The following ANKRD30A variants were observed in gnomAD, a reference collection of about 807,000 sequenced individuals.
ANKRD30A encodes the protein ankyrin repeat domain 30A, also known as ankyrin repeat domain-containing protein 30A.
Under a neutral mutation model 166.3 loss-of-function variants are expected in ANKRD30A, and 170 were observed. The observed-to-expected ratio is 1.02, with a 90% CI of 0.90 to 1.16. The LOEUF is 1.16. Among genes scored for constraint, ANKRD30A ranks in the 50% most tolerant of loss-of-function variants. The probability of loss-of-function intolerance (pLI) is 0.00; values close to 1 mark genes in which losing one functional copy is unlikely to be tolerated. For synonymous variants in ANKRD30A, 564 were observed against 508.9 expected (o/e 1.11, Z -1.46); for missense variants, 1,630 against 1,518.0 (o/e 1.07, Z -1.23).
In ANKRD30A at chr10:37,142,000, C is replaced by T; in HGVS notation, c.1103C>T (p.Thr368Ile). Reference sequence around the variant, plus strand: ...GAAATTACGAGTCCTGCAAAAGAAACATCTGAGAAATTTACGTGGCCAGCA... The same window carrying T: ...GAAATTACGAGTCCTGCAAAAGAAATATCTGAGAAATTTACGTGGCCAGCA... Reference protein sequence around the residue: ...PREITSPAKETSEKFTWPAKG... With the variant: ...PREITSPAKEISEKFTWPAKG... The change falls in exon 7 of 36, where the codon ACA becomes ATA. Residue 368 changes from threonine (T) to isoleucine (I), a missense_variant. Thr to Ile is a moderately conservative substitution (Grantham distance 89, BLOSUM62 -1). Transcript: ENST00000361713. 6.2e-7 allele frequency: 1 copy of T among 1,614,070 alleles called. No homozygotes were observed.
At chr10:37,193,355 T>C (rs1840762609) in intron 27 of ANKRD30A, 97 bp downstream of exon 27, 4 of 1,362,694 alleles carry the variant, frequency 2.9e-6, no homozygotes, top group Middle Eastern at 2.2e-4. Flanking sequence ...TTTCTATTCA[T>C]AATTTGATGG....
intron 30 of ANKRD30A, 88 bp downstream of exon 30, chr10:37,199,876 C>T: frequency 1.4e-6 from 1 of 727,372 alleles, no homozygotes; most frequent in Non-Finnish European, 2.3e-6. Flanking sequence ...TTTCTCACCT[C>T]TGCATATGTC....
At chr10:37,199,162 A>G (rs1161587298) in intron 29 of ANKRD30A, among the ~76,000 whole-genome samples, 2 of 152,120 alleles carry the variant, frequency 1.3e-5, no homozygotes, top group Non-Finnish European at 2.9e-5. Flanking sequence ...TTTTAAGCTT[A>G]TCTTCCTAAA....
chr10:37,219,536 G>C lies in ANKRD30A; in HGVS notation c.3824G>C (p.Arg1275Thr). 6.2e-7 allele frequency: 1 copy of C among 1,610,262 alleles called. No homozygotes were observed. ...CTCAATTATGCAGGAGATGCTCTAA[G>C]AGAAAATACATTGGTTTCAGAACAT... ...INLNYAGDAL[R>T]ENTLVSEHAQ... Residue 1275 changes from arginine to threonine, a missense_variant, in exon 34 of 36, where the codon AGA becomes ACA. Physicochemically the swap from Arg to Thr is moderately conservative, Grantham distance 71 (BLOSUM62 -1). Transcript: ENST00000361713.
chr10:37,262,192 G>A, the ANKRD30A span, among the ~76,000 whole-genome samples: 2 of 152,188 alleles, frequency 1.3e-5, no homozygotes, highest in Non-Finnish European at 2.9e-5. Context: ...CTGCAAAGGA[G>A]AACAACACTC....
chr10:37,149,887 T>C, intron 11 of ANKRD30A, 38 bp downstream of exon 11: 1 of 1,609,000 alleles, frequency 6.2e-7, no homozygotes, highest in South Asian at 1.1e-5. Context: ...GACGAATATT[T>C]CAATATTGGA....
intron 21 of ANKRD30A, among the ~76,000 whole-genome samples, chr10:37,172,759 C>G (rs1839684868): frequency 6.9e-6 from 1 of 145,492 alleles, no homozygotes; most frequent in Non-Finnish European, 1.5e-5. Flanking sequence ...TTAGGTTTCT[C>G]TGTTACAATC....
intron 25 of ANKRD30A, among the ~76,000 whole-genome samples, chr10:37,190,929 G>A (rs976328633): frequency 6.6e-6 from 1 of 151,804 alleles, no homozygotes; most frequent in Non-Finnish European, 1.5e-5. Context: ...GAAGCAAATT[G>A]TGTTGGTAAA....
chr10:37,235,348 T>A (rs1394189790), downstream of ANKRD30A, among the ~76,000 whole-genome samples: 1 of 152,192 alleles, frequency 6.6e-6, no homozygotes, highest in African/African-American at 2.4e-5. Flanking sequence ...ACAGTGCACG[T>A]ATTTAATACT....
intron 1 of ANKRD30A, 42 bp downstream of exon 1, chr10:37,126,050 G>C: frequency 6.2e-7 from 1 of 1,604,298 alleles, no homozygotes; most frequent in Non-Finnish European, 8.5e-7. Flanking sequence ...GAGGAGGTGG[G>C]GGCGGTGGGA....
rs550040611 is a variant in ANKRD30A, at chr10:37,149,979, G to A, written c.1645+130G>A. 74 of 1,279,242 alleles carry A rather than the reference G, an allele frequency of 5.8e-5. No homozygotes were observed. In the African/African-American group the frequency reaches 1.0e-3, roughly 18 times the overall value. The allele number at this position is 1,279,242 out of a possible 1,614,324, so 79.2% of individuals were successfully genotyped here. A position where few individuals can be genotyped will look rare whatever the true frequency, so the allele number is the denominator to read the frequency against. On this transcript the variant is annotated intron_variant, in intron 11 of 35. Transcript: ENST00000361713. ...ATTTGATCTAGATAATGCCAATACT[G>A]GTATTGATGTTTGAAAACCTGATAT...
chr10:37,198,397 C>A (rs543218682), intron 29 of ANKRD30A, among the ~76,000 whole-genome samples: 1 of 151,862 alleles, frequency 6.6e-6, no homozygotes, highest in East Asian at 1.9e-4. Flanking sequence ...ATGACAGTAC[C>A]ATAGTTAACT....
At chr10:37,228,639 A>G (rs1287671419) in intron 34 of ANKRD30A, among the ~76,000 whole-genome samples, 1 of 151,964 alleles carries the variant, frequency 6.6e-6, no homozygotes, top group Non-Finnish European at 1.5e-5. Context: ...ACTTGAGGGG[A>G]AATCCTAAAG....
chr10:37,127,544 T>G (rs545265505), intron 1 of ANKRD30A, among the ~76,000 whole-genome samples: 290 of 152,250 alleles, frequency 1.9e-3, no homozygotes, highest in African/African-American at 6.4e-3. Context: ...GATTTAAAAA[T>G]CTTCGCTTTA....
chr10:37,246,753 A>G, the ANKRD30A span, among the ~76,000 whole-genome samples: 2 of 152,148 alleles, frequency 1.3e-5, no homozygotes, highest in African/African-American at 2.4e-5. Context: ...GGATTTTCCA[A>G]TCTTAGCATT....
the ANKRD30A span, chr10:37,262,051 A>G: frequency 6.6e-6 from 1 of 152,414 alleles, no homozygotes; most frequent in Admixed American, 6.5e-5. Flanking sequence ...AATGTATTTG[A>G]TAGATCCTTT....
In ANKRD30A at chr10:37,149,824, G is replaced by A; in HGVS notation, c.1620G>A (p.Leu540=). Residue 540 remains leucine (L), a synonymous_variant, in exon 11 of 36, where the codon TTG becomes TTA. Transcript: ENST00000361713. ...QNSVPNKAFE[L]KNEQTLRADP... ...CTGTTCCAAATAAAGCCTTTGAATT[G>A]AAGAATGAACAAACATTGAGAGCAG... The A allele has an allele frequency of 1.7e-5, 28 of 1,612,762 alleles. No homozygotes were observed. Among genetic ancestry groups the A allele is most frequent in the Non-Finnish European group, 2.4e-5 (28 of 1,179,088 alleles).
In ANKRD30A at chr10:37,165,435, G is replaced by T. The variant is rs141968594; in HGVS notation, c.2064+280G>T. Among the ~76,000 whole-genome samples the T allele has an allele frequency of 3.1e-3, 466 of 152,312 alleles. 11 individuals carry two copies. The East Asian group carries it at 0.076, about 25-fold the overall frequency. ...GAAATTCACATGGGATCTGGAGTAC[G>T]TTTGTCTAAAAGCAAAAGAATTACA... On this transcript the variant is annotated intron_variant, in intron 18 of 35. Transcript: ENST00000361713.
At chr10:37,258,216 A>G in the ANKRD30A span, among the ~76,000 whole-genome samples, 1 of 152,206 alleles carries the variant, frequency 6.6e-6, no homozygotes, top group Non-Finnish European at 1.5e-5. Context: ...TAAATAAGTC[A>G]TTTCTATTTA....
Sources: gnomAD v4.1 joint callset for allele counts (sites outside exome capture counted in the v4.1 genomes callset) on GRCh38, gnomAD v4.1.1 for gene constraint, MANE v1.5 for transcripts, NCBI Gene and HGNC (gene_info 2026-07-23, HGNC 2026-07-21) for gene names.